The following HOMER1 variants were observed in gnomAD, a reference collection of about 807,000 sequenced individuals.
HOMER1 encodes homer protein homolog 1.
Under a neutral mutation model 48.9 loss-of-function variants are expected in HOMER1, and 3 were observed. The ratio of observed to expected loss-of-function variants is 0.06; its 90% CI spans 0.03 to 0.16. The LOEUF (loss-of-function observed/expected upper bound fraction) is 0.16. Ranked by LOEUF, HOMER1 falls within the 10% of genes least tolerant of loss-of-function variation. The pLI, the probability that HOMER1 is intolerant of heterozygous loss-of-function variation, is 1.00. For missense variants in HOMER1, 247 were observed against 411.4 expected (o/e 0.60, Z 3.46); for synonymous variants, 134 against 146.4 (o/e 0.92, Z 0.61).
At chr5:79,507,212 CAA>C (rs34697575) in intron 1 of HOMER1, among the ~76,000 whole-genome samples, 582 of 51,874 alleles carry the variant, frequency 0.011, no homozygotes, top group African/African-American at 0.036. Context: ...GGCTCTATCT[CAA>C]AAAAAAAAAA....
chr5:79,484,787 A>C (rs1752050216), intron 1 of HOMER1, among the ~76,000 whole-genome samples: 1 of 152,194 alleles, frequency 6.6e-6, no homozygotes, highest in South Asian at 2.1e-4. Context: ...GGCCATGTGC[A>C]TTTTGTTCAC....
Position 79,451,020 on chromosome 5 carries a change from C to T in HOMER1, c.264G>A (p.Leu88=), listed in dbSNP as rs1751013464. The T allele has an allele frequency of 1.2e-6, 2 of 1,613,738 alleles. No individual in the cohort carries two copies. Among genetic ancestry groups the T allele is most frequent in the Non-Finnish European group, 1.7e-6 (2 of 1,179,742 alleles). Residue 88 remains leucine, a synonymous_variant, in exon 3 of 9, where the codon TTG becomes TTA. Transcript: ENST00000334082. Reference sequence around the variant, plus strand: ...AAAGATGATGCTCAGAGGAGAATCCCAATCCATAAACGGTGTTTGCCCGGC... The same window carrying T: ...AAAGATGATGCTCAGAGGAGAATCCTAATCCATAAACGGTGTTTGCCCGGC... ...ADSRANTVYG[L]GFSSEHHLSK... is the part of the protein sequence containing the mutation.
intron 8 of HOMER1, among the ~76,000 whole-genome samples, chr5:79,390,234 T>G (rs1749215314): frequency 1.3e-5 from 2 of 152,128 alleles, no homozygotes; most frequent in South Asian, 2.1e-4. Flanking sequence ...TGTAGGAATC[T>G]GTGATTGTGC....
chr5:79,439,164 G>T lies in HOMER1; in HGVS notation c.388-15C>A. On this transcript the variant is annotated splice_polypyrimidine_tract_variant and intron_variant, in intron 4 of 8. Transcript: ENST00000334082. ...CCTGCGGATTCCTTTAAAAAAAGGG[G>T]TGGGGGATAAAAAATAGTTACACTT... 6.2e-7 allele frequency: 1 copy of T among 1,612,788 alleles called. No individual in the cohort carries two copies. The highest frequency in any genetic ancestry group is 8.5e-7 in the Non-Finnish European group (1 of 1,179,482).
At chr5:79,472,912 A>G (rs1034773768) in intron 1 of HOMER1, among the ~76,000 whole-genome samples, 4 of 152,180 alleles carry the variant, frequency 2.6e-5, no homozygotes, top group Non-Finnish European at 5.9e-5. Flanking sequence ...CTTCCAACTG[A>G]TCCAAGTTTT....
rs1254726844 is a variant in HOMER1 at position 79,372,907 on chromosome 5, G to C, written c.*3102C>G. 6.6e-6 allele frequency: 1 copy of C among 151,974 alleles called. No individual in the cohort carries two copies. The highest frequency in any genetic ancestry group is 1.5e-5 in the Non-Finnish European group (1 of 67,970). 9.4% of individuals were successfully genotyped at this position (151,974 alleles called of 1,614,324 possible). A position where few individuals can be genotyped will look rare whatever the true frequency, so the allele number is the denominator to read the frequency against. ...CTTTTATTTCCACCTGAAAAAAAAA[G>C]TGAGCTTTTCCTCTAACTGCTTCCC... On this transcript the variant is annotated 3_prime_UTR_variant, in exon 9 of 9. Transcript: ENST00000334082.
intron 4 of HOMER1, among the ~76,000 whole-genome samples, chr5:79,441,996 G>A (rs1434578121): frequency 6.8e-6 from 1 of 146,838 alleles, no homozygotes; most frequent in Admixed American, 6.8e-5. Context: ...TATACCCAAA[G>A]CTGATAAGAA....
chr5:79,450,039 T>G (rs914181015), intron 3 of HOMER1, among the ~76,000 whole-genome samples: 31 of 152,142 alleles, frequency 2.0e-4, no homozygotes, highest in South Asian at 1.0e-3. Context: ...AGCTTAAAAT[T>G]TAATGTAAAT....
In HOMER1 at chr5:79,474,209, T is replaced by A. The variant is rs1470048927; in HGVS notation, c.6-17191A>T. ...TGCACCATCATGCCCAACCAAAATT[T>A]TTTTTTTTTTTTTTTTTTTTTTTTG... is the stretch of plus-strand genomic sequence containing the variant. On this transcript the variant is annotated intron_variant, in intron 1 of 8. Transcript: ENST00000334082. Among the ~76,000 whole-genome samples, 7 of 67,896 alleles carry A rather than the reference T, an allele frequency of 1.0e-4. No homozygotes were observed. The East Asian group carries it at 2.1e-3, about 21-fold the overall frequency. 44.5% of individuals were successfully genotyped at this position (67,896 alleles called of 152,430 possible).
chr5:79,453,150 G>T (rs1751074014), intron 2 of HOMER1, among the ~76,000 whole-genome samples: 1 of 152,162 alleles, frequency 6.6e-6, no homozygotes, highest in African/African-American at 2.4e-5. Context: ...TCAGACAGTA[G>T]TAAGTACTAT....
At chr5:79,376,418 T>C (rs995007799) in intron 8 of HOMER1, among the ~76,000 whole-genome samples, 2 of 152,110 alleles carry the variant, frequency 1.3e-5, no homozygotes, top group South Asian at 2.1e-4. Flanking sequence ...ATCTAACCAC[T>C]CAACGAAAAT....
Position 79,513,525 on chromosome 5 carries a change from C to T in HOMER1, c.-751G>A. The T allele has an allele frequency of 6.6e-6, 1 of 152,660 alleles. No individual in the cohort carries two copies. The highest frequency in any genetic ancestry group is 1.5e-5 in the Non-Finnish European group (1 of 68,350). 9.5% of individuals were successfully genotyped at this position (152,660 alleles called of 1,614,324 possible). ...TTCCAGGCTGGCAGCAGGCTGGGGGCGCAGCGCACGCCGGAGAGCTGGAGG... is the reference window on the plus strand; with the variant it reads ...TTCCAGGCTGGCAGCAGGCTGGGGGTGCAGCGCACGCCGGAGAGCTGGAGG... On this transcript the variant is annotated 5_prime_UTR_variant, in exon 1 of 9. Coordinates refer to ENST00000334082, the MANE Select transcript of HOMER1 (RefSeq NM_004272.5).
chr5:79,438,258 C>CA (rs1750648174), intron 5 of HOMER1, among the ~76,000 whole-genome samples: 1 of 152,048 alleles, frequency 6.6e-6, no homozygotes, highest in African/African-American at 2.4e-5. Context: ...CAAAGAAGGA[C>CA]AAAAAATTAA....
chr5:79,496,685 A>G (rs1752429578), intron 1 of HOMER1, among the ~76,000 whole-genome samples: 1 of 152,188 alleles, frequency 6.6e-6, no homozygotes, highest in African/African-American at 2.4e-5. Context: ...GCTGAGGCTC[A>G]CCAGATATTC....
intron 5 of HOMER1, among the ~76,000 whole-genome samples, chr5:79,434,560 A>C (rs1750519389): frequency 6.6e-6 from 1 of 152,138 alleles, no homozygotes; most frequent in Non-Finnish European, 1.5e-5. Context: ...ATTTAGGTTA[A>C]AAAATGTTTT....
At chr5:79,471,370 C>T (rs935517788) in intron 1 of HOMER1, among the ~76,000 whole-genome samples, 3 of 151,788 alleles carry the variant, frequency 2.0e-5, no homozygotes, top group Non-Finnish European at 4.4e-5. Context: ...CATGGTGAAA[C>T]CCCGTCTCTA....
At chr5:79,497,490 A>T (rs1561387582) in intron 1 of HOMER1, among the ~76,000 whole-genome samples, 4 of 151,602 alleles carry the variant, frequency 2.6e-5, no homozygotes, top group African/African-American at 7.3e-5. Context: ...TCTCTACTAA[A>T]AAATAAATAA....
chr5:79,405,573 C>T (rs1749642165), intron 5 of HOMER1, among the ~76,000 whole-genome samples: 1 of 152,100 alleles, frequency 6.6e-6, no homozygotes, highest in Non-Finnish European at 1.5e-5. Flanking sequence ...TTTCTATATT[C>T]AGAATCTATC....
chr5:79,457,046 C>A, intron 1 of HOMER1, 28 bp from the exon 2 acceptor site: 1 of 1,610,062 alleles, frequency 6.2e-7, no homozygotes, highest in South Asian at 1.1e-5. Flanking sequence ...AAATGATGGA[C>A]TGAAAGCAGC....
Sources: gnomAD v4.1 joint callset for allele counts (sites outside exome capture counted in the v4.1 genomes callset) on GRCh38, gnomAD v4.1.1 for gene constraint, MANE v1.5 for transcripts, NCBI Gene and HGNC (gene_info 2026-07-23, HGNC 2026-07-21) for gene names.